The following AVEN variants were observed in gnomAD, a reference collection of about 807,000 sequenced individuals.
The protein encoded by AVEN is apoptosis and caspase activation inhibitor.
AVEN carries 41 observed loss-of-function variants against 38.1 expected under a neutral mutation model. The observed-to-expected ratio is 1.08, with a 90% confidence interval of 0.84 to 1.40. AVEN has a LOEUF of 1.40. Among genes scored for constraint, AVEN ranks in the 40% most tolerant of loss-of-function variants. The pLI is 0.00. For missense variants in AVEN, 605 were observed against 438.8 expected (o/e 1.38, Z -3.38); for synonymous variants, 206 against 171.8 (o/e 1.20, Z -1.56).
chr15:33,852,975 G>A, the AVEN span: 3 of 1,366,744 alleles, frequency 2.2e-6, no homozygotes, highest in Non-Finnish European at 3.1e-6. Flanking sequence ...CACTCAAACT[G>A]AAACGTTTCT....
At position 33,871,135 on chromosome 15, in the gene AVEN, G is replaced by C. The variant is rs150820692; in HGVS notation, c.517-105C>G. 5.4e-5 allele frequency: 37 copies of C among 689,928 alleles called. 1 individual carries two copies. In the East Asian group the frequency reaches 1.2e-3, roughly 23 times the overall value. The allele number at this position is 689,928 out of a possible 1,614,324, so 42.7% of individuals were successfully genotyped here. A position where few individuals can be genotyped will look rare whatever the true frequency, so the allele number is the denominator to read the frequency against. ...ATCCACTGGAGTTACATTTGGCTAGGAATAAGTCACACCATACATCACACT... is the reference window on the plus strand; with the variant it reads ...ATCCACTGGAGTTACATTTGGCTAGCAATAAGTCACACCATACATCACACT... On this transcript the variant is annotated intron_variant, in intron 3 of 5. Transcript: ENST00000306730.
chr15:33,855,525 C>T (rs758232744), downstream of AVEN, among the ~76,000 whole-genome samples: 16 of 151,996 alleles, frequency 1.1e-4, no homozygotes, highest in Non-Finnish European at 1.9e-4. Context: ...TAAGGTCTAC[C>T]CCTTCCTCCA....
At chr15:34,007,509 A>G (rs572707342) in intron 1 of AVEN, among the ~76,000 whole-genome samples, 4 of 152,310 alleles carry the variant, frequency 2.6e-5, no homozygotes, top group African/African-American at 9.6e-5. Flanking sequence ...ACCTACCCAG[A>G]GTCGCCTTTA....
At chr15:34,027,665 C>A (rs909720313) in intron 1 of AVEN, among the ~76,000 whole-genome samples, 1 of 152,064 alleles carries the variant, frequency 6.6e-6, no homozygotes, top group South Asian at 2.1e-4. Flanking sequence ...ATTTGACCTC[C>A]CTGACAGCTC....
At chr15:33,958,855 C>T (rs1895062297) in intron 2 of AVEN, among the ~76,000 whole-genome samples, 1 of 152,114 alleles carries the variant, frequency 6.6e-6, no homozygotes, top group African/African-American at 2.4e-5. Flanking sequence ...CATAGGTGTG[C>T]TCGTGTCTTT....
At chr15:33,897,377 A>G (rs28407225) in intron 2 of AVEN, among the ~76,000 whole-genome samples, 124,465 of 151,896 alleles carry the variant, frequency 0.82, 55,091 homozygotes, top group Non-Finnish European at 0.98. Flanking sequence ...GGCTCACTGC[A>G]AGCTCCACCT....
Position 34,063,732 on chromosome 15 carries a change from G to A in AVEN, n.1127-300C>T, listed in dbSNP as rs1330925349. ...GGAAAGCCCAGGGGAAGAATTCAGT[G>A]CTGAAGAGACTGAGGAAACTTTTGT... is the stretch of plus-strand genomic sequence containing the variant. On this transcript the variant is annotated intron_variant and non_coding_transcript_variant, in intron 4 of 11. Transcript: ENST00000675287. The surrounding 1 kb of genome is among the most constrained non-coding windows in gnomAD (Gnocchi z 4.1). 6.2e-7 allele frequency: 1 copy of A among 1,614,116 alleles called. No individual in the cohort carries two copies. Among genetic ancestry groups the A allele is most frequent in the Non-Finnish European group, 8.5e-7 (1 of 1,180,062 alleles).
At chr15:33,884,593 G>C (rs767096588) in intron 2 of AVEN, among the ~76,000 whole-genome samples, 2 of 152,108 alleles carry the variant, frequency 1.3e-5, no homozygotes, top group Non-Finnish European at 2.9e-5. Flanking sequence ...GAACTCCTCA[G>C]TACTAATATG....
chr15:33,977,820 T>A (rs1385589787), intron 2 of AVEN, among the ~76,000 whole-genome samples: 1 of 151,976 alleles, frequency 6.6e-6, no homozygotes, highest in Non-Finnish European at 1.5e-5. Flanking sequence ...CCCGTGTAAT[T>A]CTAACACTTT....
Position 33,866,457 on chromosome 15 carries a change from T to G in AVEN, c.*156A>C. On this transcript the variant is annotated 3_prime_UTR_variant, in exon 6 of 6. Coordinates refer to ENST00000306730, the MANE Select transcript of AVEN (RefSeq NM_020371.3). ...AGCTGCTTCAATGTATTCTTTCAGA[T>G]GTCAAACACAGAGGTAGGCATTTAC... 1.7e-6 allele frequency: 1 copy of G among 604,442 alleles called. No homozygotes were observed. Among genetic ancestry groups the G allele is most frequent in the East Asian group, 2.8e-5 (1 of 36,096 alleles). 37.4% of individuals were successfully genotyped at this position (604,442 alleles called of 1,614,324 possible).
intron 11 of AVEN, chr15:33,860,507 T>A: frequency 2.7e-6 from 2 of 730,504 alleles, no homozygotes; most frequent in Non-Finnish European, 4.3e-6. Flanking sequence ...TTTTTTTTTT[T>A]AACAGAACAA....
At chr15:34,062,570 A>AAAC (rs1555521301) in intron 5 of AVEN, 1 of 691,586 alleles carries the variant, frequency 1.4e-6, no homozygotes, top group Admixed American at 3.5e-5. Context: ...AAAAAAAAAA[A>AAAC]AAAACTATAA....
At chr15:34,029,765 G>A (rs1597370440) in intron 1 of AVEN, among the ~76,000 whole-genome samples, 2 of 152,260 alleles carry the variant, frequency 1.3e-5, no homozygotes, top group East Asian at 3.9e-4. Flanking sequence ...GAATTGAAGT[G>A]TAATGTATCT....
chr15:33,867,606 G>A lies in AVEN; in HGVS notation c.862C>T (p.Leu288=). The A allele has an allele frequency of 6.2e-7, 1 of 1,614,210 alleles. No homozygotes were observed. The highest frequency in any genetic ancestry group is 1.1e-5 in the South Asian group (1 of 91,084). The stretch of plus-strand genomic sequence containing the variant: ...ATAGGTGCATCTAAATTAAGCAACA[G>A]ATCTAGTTCTTCTTCCAAATGGTCT... ...AGDHLEEELD[L]LLNLDAPIKE... is the part of the protein sequence containing the mutation. The change falls in exon 5 of 6, where the codon CTG becomes TTG. Residue 288 remains leucine, a synonymous_variant. Transcript: ENST00000306730.
At chr15:33,866,068 A>G (rs140804358), downstream of AVEN, 585 of 156,024 alleles carry the variant, frequency 3.7e-3, 3 homozygotes, top group Non-Finnish European at 6.8e-3. Flanking sequence ...AAATACAATG[A>G]AGTGCCCACT....
intron 11 of AVEN, among the ~76,000 whole-genome samples, chr15:33,860,811 ACCCCTGCCAGG>A (rs1309012904): frequency 6.6e-6 from 1 of 151,788 alleles, no homozygotes; most frequent in African/African-American, 2.4e-5. Flanking sequence ...ACCCTGCCAT[ACCCCTGCCAGG>A]CCGGCCACTC....
the AVEN span, chr15:33,852,071 T>C: frequency 5.8e-5 from 1 of 17,230 alleles, no homozygotes; most frequent in Non-Finnish European, 1.6e-4. Context: ...GCATGAGAGG[T>C]CAGTGAATAG....
chr15:33,996,391 G>A (rs1424145121), intron 2 of AVEN, among the ~76,000 whole-genome samples: 1 of 152,240 alleles, frequency 6.6e-6, no homozygotes, highest in African/African-American at 2.4e-5. Flanking sequence ...GTGGGTCCCT[G>A]AACCCCATGT....
In AVEN at chr15:34,038,852, G is replaced by A; in HGVS notation, c.195C>T (p.Gly65=). 1 of 1,162,500 alleles carries A rather than the reference G, an allele frequency of 8.6e-7. No individual in the cohort carries two copies. Among genetic ancestry groups the A allele is most frequent in the East Asian group, 4.2e-5 (1 of 23,680 alleles). The allele number at this position is 1,162,500 out of a possible 1,614,324, so 72.0% of individuals were successfully genotyped here. ...CTCGCGGGGCGCCTCCTCCTCCTCG[G>A]CCTCCGCGAGCGCCGCGGAAGCCCC... The part of the protein sequence containing the change: ...RGRGFRGARG[G]RGGGGAPRGS... The change falls in exon 1 of 6, where the codon GGC becomes GGT. Residue 65 remains glycine (G), a synonymous_variant. Transcript: ENST00000306730.
Sources: gnomAD v4.1 joint callset for allele counts (sites outside exome capture counted in the v4.1 genomes callset) on GRCh38, gnomAD v4.1.1 for gene constraint, Gnocchi (gnomAD v3.1) non-coding constraint, MANE v1.5 for transcripts, NCBI Gene and HGNC (gene_info 2026-07-23, HGNC 2026-07-21) for gene names.